COL23A1: variants seen among roughly 807,000 people sequenced by gnomAD.
The protein encoded by COL23A1 is collagen type XXIII alpha 1 chain, also known as collagen alpha-1(XXIII) chain.
COL23A1 carries 97 observed loss-of-function variants against 99.3 expected under a neutral mutation model. The observed-to-expected ratio is 0.98, with a 90% CI of 0.83 to 1.16. The LOEUF (loss-of-function observed/expected upper bound fraction) is 1.16, where lower values mean the gene tolerates loss of function less well. Among genes scored for constraint, COL23A1 ranks in the 50% most tolerant of loss-of-function variants. The pLI is 0.00. For synonymous variants in COL23A1, 320 were observed against 308.2 expected (o/e 1.04, Z -0.40); for missense variants, 762 against 757.4 (o/e 1.01, Z -0.07).
chr5:178,585,736 C>G (rs1235763691), intron 1 of COL23A1, among the ~76,000 whole-genome samples: 9 of 152,010 alleles, frequency 5.9e-5, no homozygotes, highest in African/African-American at 2.2e-4. Flanking sequence ...CACTCCACAG[C>G]CCTGGCTGAC....
rs573873744 is a variant in COL23A1 at position 178,308,976 on chromosome 5, G to A, written c.362-2057C>T. Among the ~76,000 whole-genome samples, 2 of 152,324 alleles carry A rather than the reference G, an allele frequency of 1.3e-5. No individual in the cohort carries two copies. The highest frequency in any genetic ancestry group is 3.9e-4 in the East Asian group (2 of 5,184). ...CCACAAAGCTTCGGGGCTCTTGCCA[G>A]GCCTCAGGTTGTGCTCGGCCCAGCG... On this transcript the variant is annotated intron_variant, in intron 2 of 28. Transcript: ENST00000390654. This position sits in a 1 kb window ranked among gnomAD's most constrained non-coding sequence, Gnocchi z 5.1.
At position 178,261,664 on chromosome 5, in the gene COL23A1, G is replaced by T. The variant is rs1326327968; in HGVS notation, c.702+58C>A. 15 of 1,258,766 alleles carry T rather than the reference G, an allele frequency of 1.2e-5. No individual in the cohort carries two copies. In the African/African-American group the frequency reaches 2.2e-4, roughly 18 times the overall value. 78.0% of individuals were successfully genotyped at this position (1,258,766 alleles called of 1,614,324 possible). On this transcript the variant is annotated intron_variant, in intron 11 of 28. Transcript: ENST00000390654. The stretch of plus-strand genomic sequence containing the variant: ...GAAGAGACAGGAAGTGGAGGTGGTG[G>T]TGGGGGAGTCCATCCCACCAGATCT...
At chr5:178,360,474 G>T (rs188968935) in intron 2 of COL23A1, among the ~76,000 whole-genome samples, 1 of 151,244 alleles carries the variant, frequency 6.6e-6, no homozygotes, top group South Asian at 2.1e-4. Context: ...GCCTCATGTG[G>T]GGGGGGATGG....
rs1019191420 is a variant in COL23A1, at chr5:178,533,600, T to C, written c.361+27082A>G. Among the ~76,000 whole-genome samples the C allele has an allele frequency of 4.6e-5, 7 of 152,180 alleles. No individual in the cohort carries two copies. In the South Asian group the frequency reaches 1.2e-3, roughly 27 times the overall value. On this transcript the variant is annotated intron_variant, in intron 2 of 28. Transcript: ENST00000390654. ...GCAACCTTCACCTCCCAGGTTCAAG[T>C]GATTCTCCTGCCTCAACCTCCCGAG...
chr5:178,405,223 A>G (rs923523500), intron 2 of COL23A1, among the ~76,000 whole-genome samples: 1 of 152,230 alleles, frequency 6.6e-6, no homozygotes, highest in Non-Finnish European at 1.5e-5. Context: ...CCCGGCTCTG[A>G]GGCCACCTCC....
chr5:178,409,812 G>A (rs76406247), intron 2 of COL23A1, among the ~76,000 whole-genome samples: 13,257 of 152,184 alleles, frequency 0.087, 947 homozygotes, highest in African/African-American at 0.19. Flanking sequence ...AGGATAGATT[G>A]TTCAGAACAG....
chr5:178,519,122 G>C (rs533139082), intron 2 of COL23A1, among the ~76,000 whole-genome samples: 3 of 152,276 alleles, frequency 2.0e-5, no homozygotes, highest in Non-Finnish European at 4.4e-5. Flanking sequence ...GCGCCTTCGA[G>C]CCTTCTCAAC....
At position 178,366,547 on chromosome 5, in the gene COL23A1, C is replaced by T. The variant is rs78940745; in HGVS notation, c.362-59628G>A. Among the ~76,000 whole-genome samples, 1,862 of 152,318 alleles carry T rather than the reference C, an allele frequency of 0.012. 37 individuals are homozygous for T. The highest frequency in any genetic ancestry group is 0.041 in the African/African-American group (1,714 of 41,562). ...CAGACCAACTTCCACCCTGCCCCAA[C>T]AGAGTGCTTTCAGATCACCCGCCCT... On this transcript the variant is annotated intron_variant, in intron 2 of 28. Coordinates refer to ENST00000390654, the MANE Select transcript of COL23A1 (RefSeq NM_173465.4). This position sits in a 1 kb window ranked among gnomAD's most constrained non-coding sequence, Gnocchi z 4.4.
chr5:178,519,035 G>A (rs529432932), intron 2 of COL23A1, among the ~76,000 whole-genome samples: 7 of 151,212 alleles, frequency 4.6e-5, no homozygotes, highest in African/African-American at 1.7e-4. Flanking sequence ...GCCCCGGGCC[G>A]CAGCGCAGCC....
intron 2 of COL23A1, among the ~76,000 whole-genome samples, chr5:178,498,205 A>AATATATAT (rs1159261586): frequency 4.9e-4 from 17 of 34,640 alleles, no homozygotes; most frequent in Non-Finnish European, 8.8e-4. Context: ...TCTTTATTTA[A>AATATATAT]ATATATATAT....
intron 2 of COL23A1, among the ~76,000 whole-genome samples, chr5:178,518,207 T>C (rs1027255801): frequency 7.1e-6 from 1 of 141,598 alleles, no homozygotes. Context: ...GAGCACGGGG[T>C]TGGGGGTAAG....
chr5:178,535,905 C>T (rs1412369301), intron 2 of COL23A1, among the ~76,000 whole-genome samples: 1 of 152,266 alleles, frequency 6.6e-6, no homozygotes, highest in East Asian at 1.9e-4. Context: ...GGGTCCTGGT[C>T]AGGGGATTCC....
intron 2 of COL23A1, among the ~76,000 whole-genome samples, chr5:178,367,759 G>A (rs1424102508): frequency 2.6e-5 from 4 of 152,170 alleles, no homozygotes; most frequent in Non-Finnish European, 5.9e-5. Context: ...GGAACTTCTC[G>A]CTCCCAGATT....
At chr5:178,514,343 C>T (rs1161271494) in intron 2 of COL23A1, among the ~76,000 whole-genome samples, 3 of 152,228 alleles carry the variant, frequency 2.0e-5, no homozygotes, top group Non-Finnish European at 4.4e-5. Context: ...GCTCCCACGT[C>T]TTGGCGACTG....
intron 2 of COL23A1, among the ~76,000 whole-genome samples, chr5:178,341,256 C>T (rs1760644230): frequency 6.6e-6 from 1 of 152,230 alleles, no homozygotes; most frequent in Non-Finnish European, 1.5e-5. Flanking sequence ...TCTGGACTAG[C>T]TGGGACCACA....
At chr5:178,409,600 T>C (rs1764961072) in intron 2 of COL23A1, among the ~76,000 whole-genome samples, 1 of 152,138 alleles carries the variant, frequency 6.6e-6, no homozygotes, top group Admixed American at 6.5e-5. Flanking sequence ...GGCTGAAGAG[T>C]ACAAGGGACT....
intron 2 of COL23A1, among the ~76,000 whole-genome samples, chr5:178,542,778 GTC>G (rs1484922516): frequency 2.0e-5 from 3 of 152,210 alleles, no homozygotes; most frequent in African/African-American, 7.2e-5. Context: ...AATCTGAACA[GTC>G]TCTGAGTAAG....
chr5:178,448,857 C>T (rs1767319818), intron 2 of COL23A1, among the ~76,000 whole-genome samples: 1 of 152,066 alleles, frequency 6.6e-6, no homozygotes, highest in Middle Eastern at 3.4e-3. Flanking sequence ...AACACTGAAT[C>T]TGCTTGCACC....
At chr5:178,547,567 A>C (rs937979566) in intron 2 of COL23A1, among the ~76,000 whole-genome samples, 3 of 45,134 alleles carry the variant, frequency 6.6e-5, no homozygotes, top group Non-Finnish European at 1.2e-4. Context: ...ACACACCCCC[A>C]CACACACCTA....
Sources: gnomAD v4.1 joint callset for allele counts (sites outside exome capture counted in the v4.1 genomes callset) on GRCh38, gnomAD v4.1.1 for gene constraint, Gnocchi (gnomAD v3.1) non-coding constraint, MANE v1.5 for transcripts, NCBI Gene and HGNC (gene_info 2026-07-23, HGNC 2026-07-21) for gene names.